LCT: variants seen among roughly 807,000 people sequenced by gnomAD.
The protein encoded by LCT is lactase/phlorizin hydrolase.
Under a neutral mutation model 173.0 loss-of-function variants are expected in LCT, and 90 were observed. That is an observed-to-expected ratio of 0.52 (90% confidence interval 0.44 to 0.62). The LOEUF is 0.62. LCT is among the 20% of genes least tolerant of loss of function. The probability of loss-of-function intolerance (pLI) is 0.00; values close to 1 mark genes in which losing one functional copy is unlikely to be tolerated. For missense variants in LCT, 1,864 were observed against 2,431.4 expected (o/e 0.77, Z 4.91); for synonymous variants, 853 against 957.6 (o/e 0.89, Z 2.02).
In LCT at chr2:135,812,564, G is replaced by A; in HGVS notation, c.2100C>T (p.Ile700=). ...LISNAPQNTC[I]PSYDTIGGFS... ...AGCCTCCAATGGTATCATAGCTAGG[G>A]ATGCAGGTGTTTTGTGGGGCGTTGC... is the stretch of plus-strand genomic sequence containing the variant. Residue 700 remains isoleucine (I), a synonymous_variant, in exon 7 of 17, where the codon ATC becomes ATT. Coordinates refer to ENST00000264162, the MANE Select transcript of LCT (RefSeq NM_002299.4). 2 of 1,613,808 alleles carry A rather than the reference G, an allele frequency of 1.2e-6. No individual in the cohort carries two copies. Among genetic ancestry groups the A allele is most frequent in the Non-Finnish European group, 1.7e-6 (2 of 1,179,692 alleles).
At chr2:135,828,183 C>G (rs149436871) in intron 3 of LCT, among the ~76,000 whole-genome samples, 14 of 152,316 alleles carry the variant, frequency 9.2e-5, no homozygotes, top group African/African-American at 3.4e-4. Context: ...TGCCACCACA[C>G]CCATCTAATT....
intron 14 of LCT, among the ~76,000 whole-genome samples, chr2:135,792,119 G>A (rs2077537185): frequency 6.6e-6 from 1 of 152,160 alleles, no homozygotes. Context: ...ATCCTCTCTG[G>A]GGACCTGAAC....
chr2:135,799,245 G>A (rs2077606455), intron 12 of LCT, among the ~76,000 whole-genome samples: 1 of 152,120 alleles, frequency 6.6e-6, no homozygotes, highest in Non-Finnish European at 1.5e-5. Context: ...CCCCGAGAGA[G>A]TTATAGTGCC....
At chr2:135,815,114 G>T (rs1261214750) in intron 6 of LCT, among the ~76,000 whole-genome samples, 1 of 152,118 alleles carries the variant, frequency 6.6e-6, no homozygotes, top group East Asian at 1.9e-4. Flanking sequence ...CAAACATGCT[G>T]GTCCCTTGAT....
At position 135,812,824 on chromosome 2, in the gene LCT, G is replaced by C; in HGVS notation, c.1840C>G (p.Pro614Ala). Residue 614 changes from proline (P) to alanine (A), a missense_variant, in exon 7 of 17, where the codon CCT becomes GCT. Around this residue, in one of 4 missense-constraint regions of LCT, gnomAD observed 755 missense variants for 926.3 expected, o/e 0.82. Transcript: ENST00000264162. ...CGCTCAGAGGCTCTCAGGTCCTCAG[G>C]CCTCTCTGGAGACAGGGGTTCTGCC... Reference protein sequence around the residue: ...DWAEPLSPERPEDLRASERFL... With the variant: ...DWAEPLSPERAEDLRASERFL... 5.0e-6 allele frequency: 8 copies of C among 1,614,206 alleles called. No individual in the cohort carries two copies. Among genetic ancestry groups the C allele is most frequent in the Non-Finnish European group, 6.8e-6 (8 of 1,180,044 alleles).
chr2:135,801,660 A>C (rs936334220), intron 11 of LCT, among the ~76,000 whole-genome samples: 3 of 150,580 alleles, frequency 2.0e-5, no homozygotes, highest in Admixed American at 6.6e-5. Flanking sequence ...GACTGCAGTG[A>C]GCCGAGGGGT....
At chr2:135,815,666 C>T (rs773367321) in intron 6 of LCT, among the ~76,000 whole-genome samples, 7 of 151,208 alleles carry the variant, frequency 4.6e-5, no homozygotes, top group East Asian at 1.9e-4. Context: ...ACACCTAGCA[C>T]GGGACACAGG....
chr2:135,813,950 A>C (rs868502782), intron 6 of LCT, among the ~76,000 whole-genome samples: 5 of 152,344 alleles, frequency 3.3e-5, no homozygotes, highest in Middle Eastern at 3.4e-3. Flanking sequence ...TAACAAGCCT[A>C]GATTTAAATC....
Position 135,809,334 on chromosome 2 carries a change from T to A in LCT, c.3013A>T (p.Asn1005Tyr), listed in dbSNP as rs2077712035. Residue 1005 changes from asparagine to tyrosine, a missense_variant, in exon 8 of 17, where the codon AAT (asparagine) becomes TAT (tyrosine). This residue lies in a region of LCT where 755 missense variants were observed against 926.3 expected (regional missense o/e 0.82). Transcript: ENST00000264162. The surrounding 1 kb of genome is among the most constrained non-coding windows in gnomAD (Gnocchi z 5.5). The part of the protein sequence containing the change: ...HGVDYYNRLI[N>Y]GLVASNIFPM... Reference sequence around the variant, plus strand: ...AAGATGTTGCTTGCCACCAAGCCATTGATCAGCCTGTTGTAATAATCAACC... The same window carrying A: ...AAGATGTTGCTTGCCACCAAGCCATAGATCAGCCTGTTGTAATAATCAACC... 6.2e-7 allele frequency: 1 copy of A among 1,614,224 alleles called. No homozygotes were observed. The highest frequency in any genetic ancestry group is 1.7e-5 in the Admixed American group (1 of 60,024).
At position 135,833,136 on chromosome 2, in the gene LCT, T is replaced by G; in HGVS notation, c.695A>C (p.Glu232Ala). ...CTGGGCAAGCGCAGATATGGGTGGT[T>G]CTAGCAGGAGCTCCGGGATATCTTC... Reference protein sequence around the residue: ...RAEDIPELLLEPPISALAQDT... With the variant: ...RAEDIPELLLAPPISALAQDT... Residue 232 changes from glutamate to alanine, a missense_variant, in exon 2 of 17, where the codon GAA (glutamate) becomes GCA (alanine). Coordinates refer to ENST00000264162, the MANE Select transcript of LCT (RefSeq NM_002299.4). 2 of 1,614,028 alleles carry G rather than the reference T, an allele frequency of 1.2e-6. No homozygotes were observed. The highest frequency in any genetic ancestry group is 1.7e-6 in the Non-Finnish European group (2 of 1,179,980).
intron 11 of LCT, among the ~76,000 whole-genome samples, chr2:135,802,236 G>T (rs2077633570): frequency 6.6e-6 from 1 of 152,156 alleles, no homozygotes; most frequent in Non-Finnish European, 1.5e-5. Flanking sequence ...TCACATGAAT[G>T]AACACAAATT....
intron 2 of LCT, 34 bp from the exon 3 acceptor site, chr2:135,829,710 C>T (rs1221696851): frequency 4.2e-6 from 6 of 1,417,536 alleles, no homozygotes; most frequent in Non-Finnish European, 5.0e-6. Context: ...TCATTAGAAC[C>T]TAAGCACTGT....
chr2:135,801,669 G>T (rs2077629073), intron 11 of LCT, among the ~76,000 whole-genome samples: 1 of 150,686 alleles, frequency 6.6e-6, no homozygotes, highest in Admixed American at 6.6e-5. Context: ...GAGCCGAGGG[G>T]TTCAAACAAT....
chr2:135,794,847 T>C, intron 13 of LCT, 72 bp from the exon 14 acceptor site: 1 of 1,585,708 alleles, frequency 6.3e-7, no homozygotes, highest in Non-Finnish European at 8.7e-7. Context: ...GTCATAGGGC[T>C]GGGGCGGGGG....
chr2:135,830,767 A>T (rs2077930986), intron 2 of LCT, among the ~76,000 whole-genome samples: 1 of 151,944 alleles, frequency 6.6e-6, no homozygotes, highest in African/African-American at 2.4e-5. Context: ...TTCCCTGCCC[A>T]CTCTCGCAGC....
intron 13 of LCT, 93 bp from the exon 14 acceptor site, chr2:135,794,868 A>G: frequency 1.4e-6 from 2 of 1,436,292 alleles, no homozygotes; most frequent in South Asian, 1.1e-5. Flanking sequence ...AGCTCTCCGA[A>G]CCCCAGGCAC....
intron 14 of LCT, among the ~76,000 whole-genome samples, chr2:135,791,174 C>T (rs2077530830): frequency 6.6e-6 from 1 of 152,244 alleles, no homozygotes; most frequent in Non-Finnish European, 1.5e-5. Flanking sequence ...CTCCACTACT[C>T]TGAATAGATG....
intron 11 of LCT, 139 bp from the exon 12 acceptor site, chr2:135,800,948 A>G: frequency 1.4e-6 from 1 of 707,296 alleles, no homozygotes; most frequent in Non-Finnish European, 2.5e-6. Context: ...TGGAATTCAA[A>G]CCCTGGCTCT....
Position 135,809,634 on chromosome 2 carries a change from C to T in LCT, c.2713G>A (p.Asp905Asn). The change falls in exon 8 of 17, where the codon GAT becomes AAT. Residue 905 changes from aspartate to asparagine, a missense_variant. Asp to Asn is a conservative substitution (Grantham distance 23). Transcript: ENST00000264162. The surrounding 1 kb of genome is among the most constrained non-coding windows in gnomAD (Gnocchi z 5.5). Reference sequence around the variant, plus strand: ...GAGGACACGCCCCACAGAAAGTCATCCCGAAACGTCCCGTGGTAGAACAAA... The same window carrying T: ...GAGGACACGCCCCACAGAAAGTCATTCCGAAACGTCCCGTGGTAGAACAAA... ...RDLFYHGTFRDDFLWGVSSSA... is the reference protein window; with the variant it reads ...RDLFYHGTFRNDFLWGVSSSA... 6.2e-7 allele frequency: 1 copy of T among 1,614,240 alleles called. No homozygotes were observed. The highest frequency in any genetic ancestry group is 1.7e-5 in the Admixed American group (1 of 60,028).
Sources: gnomAD v4.1 joint callset for allele counts (sites outside exome capture counted in the v4.1 genomes callset) on GRCh38, gnomAD v4.1.1 for gene constraint, gnomAD v4.1.1 regional missense constraint, Gnocchi (gnomAD v3.1) non-coding constraint, MANE v1.5 for transcripts, NCBI Gene and HGNC (gene_info 2026-07-23, HGNC 2026-07-21) for gene names.